Variants in MYO1E observed in about 807,000 individuals in gnomAD.
MYO1E encodes the protein myosin IE, also known as unconventional myosin-Ie.
In MYO1E, 68 loss-of-function variants were observed where a neutral mutation model predicts 151.1. That is an observed-to-expected ratio of 0.45 (90% CI 0.37 to 0.55). The LOEUF (loss-of-function observed/expected upper bound fraction) is 0.55, where lower values mean the gene tolerates loss of function less well. Among genes scored for constraint, MYO1E ranks in the 20% least tolerant of loss-of-function variants. The pLI is 0.00. For missense variants in MYO1E, 1,363 were observed against 1,389.3 expected (o/e 0.98, Z 0.30); for synonymous variants, 601 against 501.7 (o/e 1.20, Z -2.64).
At position 59,256,533 on chromosome 15, in the gene MYO1E, G is replaced by C. The variant is rs151131842; in HGVS notation, c.238-155C>G. On this transcript the variant is annotated intron_variant, in intron 3 of 27. Coordinates refer to ENST00000288235, the MANE Select transcript of MYO1E (RefSeq NM_004998.4). ...CCAATGCCTATCATTACATCTTAAAGGTTGCATGATACAAGAATTCATAAA... is the reference window on the plus strand; with the variant it reads ...CCAATGCCTATCATTACATCTTAAACGTTGCATGATACAAGAATTCATAAA... 1.6e-4 allele frequency among the ~76,000 whole-genome samples: 25 copies of C among 152,132 alleles called. No individual in the cohort carries two copies. In the East Asian group the frequency reaches 4.6e-3, roughly 28 times the overall value.
chr15:59,367,575 T>G (rs1328100009), intron 1 of MYO1E, among the ~76,000 whole-genome samples: 1 of 152,186 alleles, frequency 6.6e-6, no homozygotes, highest in South Asian at 2.1e-4. Flanking sequence ...GCTTAGAGAA[T>G]GCATAGGCTG....
At chr15:59,288,314 T>C (rs1347263308) in intron 1 of MYO1E, among the ~76,000 whole-genome samples, 1 of 152,180 alleles carries the variant, frequency 6.6e-6, no homozygotes, top group African/African-American at 2.4e-5. Context: ...TAGCTGGGAC[T>C]ACAGGTGTGT....
At chr15:59,295,580 A>G (rs2080443872) in intron 1 of MYO1E, among the ~76,000 whole-genome samples, 1 of 152,128 alleles carries the variant, frequency 6.6e-6, no homozygotes, top group Non-Finnish European at 1.5e-5. Context: ...GGGACCAACT[A>G]CTGTAGTCAG....
At chr15:59,153,932 G>A in intron 25 of MYO1E, 141 bp from the exon 26 acceptor site, 1 of 778,568 alleles carries the variant, frequency 1.3e-6, no homozygotes, top group South Asian at 1.5e-5. Flanking sequence ...AAAAATGGAA[G>A]GCATCACTGC....
At chr15:59,190,424 C>A (rs990254844) in intron 17 of MYO1E, among the ~76,000 whole-genome samples, 5 of 152,238 alleles carry the variant, frequency 3.3e-5, no homozygotes, top group Admixed American at 2.6e-4. Context: ...AGGTTCCCAA[C>A]AGCTGTCTTC....
intron 1 of MYO1E, among the ~76,000 whole-genome samples, chr15:59,353,710 T>C (rs1261481121): frequency 6.9e-6 from 1 of 145,264 alleles, no homozygotes; most frequent in Non-Finnish European, 1.5e-5. Flanking sequence ...TGAGCTGAAA[T>C]CATGCCATTG....
rs890508371 is a variant in MYO1E, at chr15:59,245,264, C to T, written c.333-8592G>A. Among the ~76,000 whole-genome samples, 8 of 152,306 alleles carry T rather than the reference C, an allele frequency of 5.3e-5. 1 individual carries two copies. The highest frequency in any genetic ancestry group is 1.9e-4 in the African/African-American group (8 of 41,568). ...CCTGATGGTGCCACAGCAAAGAGCA[C>T]GAGAGACCCACGAGCCAAATATGAG... is the stretch of plus-strand genomic sequence containing the variant. On this transcript the variant is annotated intron_variant, in intron 4 of 27. Coordinates refer to ENST00000288235, the MANE Select transcript of MYO1E (RefSeq NM_004998.4).
chr15:59,347,773 A>G (rs2080802666), intron 1 of MYO1E, among the ~76,000 whole-genome samples: 1 of 152,152 alleles, frequency 6.6e-6, no homozygotes, highest in South Asian at 2.1e-4. Context: ...ACCACTAACC[A>G]TGCATTTGGA....
chr15:59,179,672 A>C (rs1303637807), intron 18 of MYO1E, among the ~76,000 whole-genome samples: 1 of 152,206 alleles, frequency 6.6e-6, no homozygotes. Context: ...ATGGGATTTG[A>C]ATCCCTCTCT....
In MYO1E at chr15:59,284,967, A is replaced by G. The variant is rs367657727; in HGVS notation, c.4-12518T>C. ...GTGACAAGAGAGTCACACTGATGTT[A>G]GTCCCTGTCTTTTCAGCTGTGGCTC... On this transcript the variant is annotated intron_variant, in intron 1 of 27. Coordinates refer to ENST00000288235, the MANE Select transcript of MYO1E (RefSeq NM_004998.4). Among the ~76,000 whole-genome samples the G allele has an allele frequency of 6.4e-4, 98 of 152,332 alleles. 1 individual carries two copies. The South Asian group carries it at 0.02, about 32-fold the overall frequency.
At chr15:59,234,822 CAAAAAAAAA>C (rs3053017) in intron 5 of MYO1E, among the ~76,000 whole-genome samples, 1 of 102,220 alleles carries the variant, frequency 9.8e-6, no homozygotes, top group Non-Finnish European at 1.9e-5. Context: ...GACCCCATCT[CAAAAAAAAA>C]AAAAAAAAAA....
intron 1 of MYO1E, among the ~76,000 whole-genome samples, chr15:59,345,961 G>A (rs953128180): frequency 6.6e-6 from 1 of 152,242 alleles, no homozygotes; most frequent in Non-Finnish European, 1.5e-5. Flanking sequence ...TTCAAATGCA[G>A]CTAAAACACG....
rs1227578465 is a variant in MYO1E at position 59,135,104 on chromosome 15, G to C, written c.*2276C>G. 2.0e-5 allele frequency: 3 copies of C among 152,056 alleles called. No homozygotes were observed. The highest frequency in any genetic ancestry group is 4.4e-5 in the Non-Finnish European group (3 of 68,034). 9.4% of individuals were successfully genotyped at this position (152,056 alleles called of 1,614,324 possible). On this transcript the variant is annotated 3_prime_UTR_variant, in exon 28 of 28. Coordinates refer to ENST00000288235, the MANE Select transcript of MYO1E (RefSeq NM_004998.4). The stretch of plus-strand genomic sequence containing the variant: ...CAGATCTAAGTCTCCTTCCCCTGTG[G>C]GTCACTTACCTATTTCAGCACCATT...
At chr15:59,179,964 C>A (rs955250207) in intron 18 of MYO1E, among the ~76,000 whole-genome samples, 1 of 152,246 alleles carries the variant, frequency 6.6e-6, no homozygotes, top group Non-Finnish European at 1.5e-5. Context: ...CCAGGGCCCT[C>A]CTTTGTTCCC....
Position 59,162,333 on chromosome 15 carries a change from G to A in MYO1E, c.2627+824C>T, listed in dbSNP as rs2079542287. The stretch of plus-strand genomic sequence containing the variant: ...ATGCCAGCCAGTACCTGGTCCATTA[G>A]ATCATGTTGCCAAAAGAAATGAAGG... On this transcript the variant is annotated intron_variant, in intron 23 of 27. Coordinates refer to ENST00000288235, the MANE Select transcript of MYO1E (RefSeq NM_004998.4). Among the ~76,000 whole-genome samples, 5 of 152,156 alleles carry A rather than the reference G, an allele frequency of 3.3e-5. 1 individual carries two copies. Among genetic ancestry groups the A allele is most frequent in the Admixed American group, 3.3e-4 (5 of 15,260 alleles).
In MYO1E at chr15:59,256,365, T is replaced by C; in HGVS notation, c.251A>G (p.Asn84Ser). The C allele has an allele frequency of 6.2e-7, 1 of 1,609,754 alleles. No homozygotes were observed. Among genetic ancestry groups the C allele is most frequent in the African/African-American group, 1.3e-5 (1 of 74,928 alleles). The change falls in exon 4 of 28, where the codon AAC becomes AGC. Residue 84 changes from asparagine to serine, a missense_variant. Coordinates refer to ENST00000288235, the MANE Select transcript of MYO1E (RefSeq NM_004998.4). ...EMYQGAAQYE[N>S]PPHIYALADN... Reference sequence around the variant, plus strand: ...TGCAAGGGCATAGATATGTGGTGGGTTTTCATACTGTGCCTAGAAAAGCAA... The same window carrying C: ...TGCAAGGGCATAGATATGTGGTGGGCTTTCATACTGTGCCTAGAAAAGCAA...
At position 59,268,728 on chromosome 15, in the gene MYO1E, T is replaced by TTTTTTTTTTTTTTTTTTTTTTTTTTTTG. The variant is rs2080272435; in HGVS notation, c.147+3577_147+3578insCAAAAAAAAAAAAAAAAAAAAAAAAAAA. Among the ~76,000 whole-genome samples, 2 of 133,380 alleles carry TTTTTTTTTTTTTTTTTTTTTTTTTTTTG rather than the reference T, an allele frequency of 1.5e-5. 1 individual carries two copies. 87.5% of individuals were successfully genotyped at this position (133,380 alleles called of 152,430 possible). On this transcript the variant is annotated intron_variant, in intron 2 of 27. Transcript: ENST00000288235. ...TTCTGGGTGACTTTGGTATTTTTTT[T>TTTTTTTTTTTTTTTTTTTTTTTTTTTTG]TTTTTTTTTTTTTGCTTCACTGCAT... is the stretch of plus-strand genomic sequence containing the variant.
intron 1 of MYO1E, among the ~76,000 whole-genome samples, chr15:59,291,429 G>A (rs1318503439): frequency 6.6e-6 from 1 of 152,172 alleles, no homozygotes; most frequent in Non-Finnish European, 1.5e-5. Flanking sequence ...GTGTTTGTTG[G>A]AGGCTGGTGT....
At position 59,210,674 on chromosome 15, in the gene MYO1E, A is replaced by G; in HGVS notation, c.1276-74T>C. 10 of 1,032,182 alleles carry G rather than the reference A, an allele frequency of 9.7e-6. 1 individual carries two copies. The East Asian group carries it at 2.1e-4, about 22-fold the overall frequency. 63.9% of individuals were successfully genotyped at this position (1,032,182 alleles called of 1,614,324 possible). A position where few individuals can be genotyped will look rare whatever the true frequency, so the allele number is the denominator to read the frequency against. On this transcript the variant is annotated intron_variant, in intron 12 of 27. Coordinates refer to ENST00000288235, the MANE Select transcript of MYO1E (RefSeq NM_004998.4). ...CTCTGCACGGACAGACCCTGAATGG[A>G]CAAAAATTCCCATAAAAGAGAAAAA...
Sources: allele counts gnomAD v4.1 joint callset (sites outside exome capture counted in the v4.1 genomes callset), GRCh38; gene constraint gnomAD v4.1.1; transcripts MANE v1.5; gene names NCBI Gene and HGNC (gene_info 2026-07-23, HGNC 2026-07-21).